AFDN: variants seen among roughly 807,000 people sequenced by gnomAD.
AFDN encodes afadin.
In AFDN, 68 loss-of-function variants were observed where a neutral mutation model predicts 216.6. That is an observed-to-expected ratio of 0.31 (90% CI 0.26 to 0.38). The LOEUF is 0.38. Among genes scored for constraint, AFDN ranks in the 10% least tolerant of loss-of-function variants. The pLI, the probability that AFDN is intolerant of heterozygous loss-of-function variation, is 1.00. For synonymous variants in AFDN, 868 were observed against 853.7 expected, an observed-to-expected ratio of 1.02 and a Z score of -0.29; for missense variants, 2,136 against 2,342.0, an observed-to-expected ratio of 0.91 and a Z score of 1.82.
intron 30 of AFDN, among the ~76,000 whole-genome samples, chr6:167,959,964 A>C (rs577510045): frequency 6.6e-6 from 1 of 152,318 alleles, no homozygotes; most frequent in African/African-American, 2.4e-5. Context: ...CTTTTAATCA[A>C]AGTGCTAATC....
At chr6:167,833,804 A>G (rs1780091599) in intron 1 of AFDN, among the ~76,000 whole-genome samples, 1 of 152,192 alleles carries the variant, frequency 6.6e-6, no homozygotes, top group Non-Finnish European at 1.5e-5. Context: ...CCACTGTTTT[A>G]AAAACATTGT....
intron 1 of AFDN, among the ~76,000 whole-genome samples, chr6:167,846,247 CTG>C (rs1380185012): frequency 1.3e-5 from 2 of 151,984 alleles, no homozygotes; most frequent in Non-Finnish European, 1.5e-5. Flanking sequence ...ATTAAACTCT[CTG>C]TGACTGGACT....
rs33948165 is a variant in AFDN, at chr6:167,834,479, T to TTC, written c.105+7242_105+7243insTC. On this transcript the variant is annotated intron_variant, in intron 1 of 33. Transcript: ENST00000683244. ...TCGGTTTTTTTTTTTTTTTTTTTTT[T>TTC]CGAAAGGTATAAAACGTGATAGATG... 1.7e-3 allele frequency among the ~76,000 whole-genome samples: 252 copies of TTC among 145,332 alleles called. 2 individuals are homozygous for TTC. The highest frequency in any genetic ancestry group is 2.2e-3 in the Non-Finnish European group (145 of 66,656).
chr6:167,856,744 A>G (rs1290414852), intron 1 of AFDN, among the ~76,000 whole-genome samples: 4 of 152,136 alleles, frequency 2.6e-5, no homozygotes, highest in Non-Finnish European at 2.9e-5. Context: ...TACAAGAGGT[A>G]TCTGAGGCTG....
chr6:167,827,058 G>C lies in AFDN; in HGVS notation c.-75G>C, dbSNP rs1421573688. The C allele has an allele frequency of 4.4e-6, 3 of 675,320 alleles. No homozygotes were observed. The South Asian group carries it at 1.9e-4, about 42-fold the overall frequency. 41.8% of individuals were successfully genotyped at this position (675,320 alleles called of 1,614,324 possible). A position where few individuals can be genotyped will look rare whatever the true frequency, so the allele number is the denominator to read the frequency against. On this transcript the variant is annotated 5_prime_UTR_variant, in exon 1 of 34. Coordinates refer to ENST00000683244, the MANE Select transcript of AFDN (RefSeq NM_001386888.1). ...GGCGGGGGGTGGCGAGGGGCGCCGG[G>C]CCCCCGCGGACCTGTCGTCCTCGGC...
At chr6:167,941,763 G>A (rs1252817260) in intron 23 of AFDN, among the ~76,000 whole-genome samples, 4 of 145,464 alleles carry the variant, frequency 2.7e-5, no homozygotes, top group Non-Finnish European at 4.6e-5. Context: ...AGACACAGAG[G>A]GATGTAGGGG....
intron 32 of AFDN, among the ~76,000 whole-genome samples, chr6:167,966,923 C>T (rs985039919): frequency 1.3e-5 from 2 of 152,222 alleles, no homozygotes; most frequent in African/African-American, 2.4e-5. Flanking sequence ...CTGTTACTTG[C>T]ACTCTTAGCA....
At chr6:167,894,337 G>C (rs1408013302) in intron 9 of AFDN, among the ~76,000 whole-genome samples, 1 of 152,182 alleles carries the variant, frequency 6.6e-6, no homozygotes, top group East Asian at 1.9e-4. Flanking sequence ...TGCTCTTCAA[G>C]GTGCTCCAGA....
In AFDN at chr6:167,864,692, A is replaced by C. The variant is rs1461641661; in HGVS notation, c.247A>C (p.Met83Leu). Residue 83 changes from methionine (M) to leucine (L), a missense_variant, in exon 2 of 34, where the codon ATG becomes CTG. Transcript: ENST00000683244. ...ETLAEKFRPD[M>L]RMLSSPKYSL... ...GCTCGCGGAGAAATTTCGACCTGAT[A>C]TGCGAATGCTGTCCTCTCCCAAGTA... The C allele has an allele frequency of 3.1e-6, 5 of 1,614,054 alleles. No homozygotes were observed. In the Admixed American group the frequency reaches 8.3e-5, roughly 27 times the overall value.
Position 167,946,787 on chromosome 6 carries a change from TCTCCTGAGAGTC to T in AFDN, c.3443_3454del (p.Pro1148_Pro1151del). On this transcript the variant is annotated inframe_deletion, in exon 27 of 34. Transcript: ENST00000683244. ...CTATAATAATTCAACTCAAAATGGG[TCTCCTGAGAGTC>T]CTCAGCTGCCTTGGGCAGAATATAG... The T allele has an allele frequency of 1.2e-6, 2 of 1,613,848 alleles. No homozygotes were observed. Among genetic ancestry groups the T allele is most frequent in the Non-Finnish European group, 1.7e-6 (2 of 1,179,904 alleles).
intron 12 of AFDN, 74 bp downstream of exon 12, chr6:167,902,460 G>C: frequency 9.0e-7 from 1 of 1,110,342 alleles, no homozygotes; most frequent in Non-Finnish European, 1.4e-6. Context: ...TAGTGGTGGG[G>C]GATGTGTTCC....
chr6:167,881,189 A>G (rs1786059223), intron 6 of AFDN, among the ~76,000 whole-genome samples: 1 of 152,174 alleles, frequency 6.6e-6, no homozygotes, highest in Non-Finnish European at 1.5e-5. Flanking sequence ...CTTGTTAGCT[A>G]CAGGTAGAAT....
At chr6:167,955,127 G>T (rs1796366718) in intron 30 of AFDN, among the ~76,000 whole-genome samples, 1 of 152,036 alleles carries the variant, frequency 6.6e-6, no homozygotes. Context: ...CTTGCGTATG[G>T]TATCTTTATC....
chr6:167,844,177 AGTGTGTGTGTGTGTGTGTGT>A (rs71004173), intron 1 of AFDN, among the ~76,000 whole-genome samples: 4 of 141,794 alleles, frequency 2.8e-5, no homozygotes, highest in African/African-American at 5.3e-5. Flanking sequence ...TCAAAAATGA[AGTGTGTGTGTGTGTGTGTGT>A]GTGTGTGTGT....
chr6:167,891,402 GGGGTGGGTGTGTGTGTGTGTGTGT>G (rs1562619564), intron 8 of AFDN, among the ~76,000 whole-genome samples: 1 of 101,382 alleles, frequency 9.9e-6, no homozygotes, highest in African/African-American at 3.6e-5. Context: ...ATTTCATAAA[GGGGTGGGTGTGTGTGTGTGTGTGT>G]GTGTGTGTGT....
intron 31 of AFDN, chr6:167,964,392 G>T (rs1224759055): frequency 9.4e-7 from 1 of 1,064,468 alleles, no homozygotes; most frequent in Non-Finnish European, 1.1e-6. Context: ...ATTCTTGATA[G>T]TTCCATTTAA....
chr6:167,903,547 C>G (rs1348057159), intron 12 of AFDN, among the ~76,000 whole-genome samples: 1 of 152,184 alleles, frequency 6.6e-6, no homozygotes, highest in Non-Finnish European at 1.5e-5. Flanking sequence ...AGTCCAGATT[C>G]AGGAGGAAGG....
At chr6:167,912,948 A>G (rs1790591766) in intron 15 of AFDN, among the ~76,000 whole-genome samples, 1 of 152,132 alleles carries the variant, frequency 6.6e-6, no homozygotes, top group South Asian at 2.1e-4. Flanking sequence ...CTCAGCTTTT[A>G]TTTTGATTGT....
chr6:167,966,616 A>G (rs528387418), intron 32 of AFDN, among the ~76,000 whole-genome samples: 3 of 152,280 alleles, frequency 2.0e-5, no homozygotes, highest in South Asian at 2.1e-4. Context: ...ATGATCTTCT[A>G]TTTGTTTGAA....
Sources: allele counts gnomAD v4.1 joint callset (sites outside exome capture counted in the v4.1 genomes callset), GRCh38; gene constraint gnomAD v4.1.1; transcripts MANE v1.5; gene names NCBI Gene and HGNC (gene_info 2026-07-23, HGNC 2026-07-21).